Variants in CHL1 observed in about 807,000 individuals in gnomAD.
The protein encoded by CHL1 is neural cell adhesion molecule L1-like protein.
Under a neutral mutation model 141.9 loss-of-function variants are expected in CHL1, and 96 were observed. The ratio of observed to expected loss-of-function variants is 0.68; its 90% CI spans 0.57 to 0.80. CHL1 has a LOEUF of 0.80. Among genes scored for constraint, CHL1 ranks in the 30% least tolerant of loss-of-function variants. CHL1 has a pLI of 0.00. For missense variants in CHL1, 1,820 were observed against 1,457.2 expected, an observed-to-expected ratio of 1.25 and a Z score of -4.05; for synonymous variants, 613 against 502.2, an observed-to-expected ratio of 1.22 and a Z score of -2.95.
chr3:261,459 TA>T (rs1160006969), intron 2 of CHL1, among the ~76,000 whole-genome samples: 2 of 152,200 alleles, frequency 1.3e-5, no homozygotes, highest in Non-Finnish European at 2.9e-5. Flanking sequence ...GGCCAGTTGC[TA>T]CTTAAAAGTA....
intron 1 of CHL1, among the ~76,000 whole-genome samples, chr3:240,270 T>G (rs1328376487): frequency 1.3e-5 from 2 of 152,172 alleles, no homozygotes; most frequent in South Asian, 2.1e-4. Flanking sequence ...TTTTTTAAAT[T>G]TTTTTCATTA....
At chr3:275,247 G>C (rs1201296310) in intron 2 of CHL1, among the ~76,000 whole-genome samples, 3 of 152,214 alleles carry the variant, frequency 2.0e-5, no homozygotes, top group African/African-American at 7.2e-5. Flanking sequence ...TCTAGCATTT[G>C]CTAACATGTT....
At chr3:241,521 C>T (rs1486651654) in intron 1 of CHL1, among the ~76,000 whole-genome samples, 1 of 151,986 alleles carries the variant, frequency 6.6e-6, no homozygotes, top group African/African-American at 2.4e-5. Flanking sequence ...CCTCATAACC[C>T]AGTTTTTACT....
chr3:361,855 G>C (rs1341161968), intron 13 of CHL1, 45 bp downstream of exon 13: 2 of 1,265,802 alleles, frequency 1.6e-6, no homozygotes, highest in South Asian at 1.2e-5. Context: ...GTCAATTGTA[G>C]ATTTGACCTT....
At chr3:367,158 C>G (rs1705007582) in intron 15 of CHL1, among the ~76,000 whole-genome samples, 1 of 152,240 alleles carries the variant, frequency 6.6e-6, no homozygotes, top group Non-Finnish European at 1.5e-5. Flanking sequence ...TGCTGAATGT[C>G]TACTCTCTTT....
chr3:268,379 A>T (rs189140972), intron 2 of CHL1, among the ~76,000 whole-genome samples: 20 of 152,058 alleles, frequency 1.3e-4, no homozygotes, highest in African/African-American at 4.8e-4. Flanking sequence ...ACTAAAAAAT[A>T]CAAAAATTAC....
intron 2 of CHL1, chr3:247,917 A>G (rs528152482): frequency 1.3e-5 from 2 of 151,908 alleles, no homozygotes; most frequent in African/African-American, 4.8e-5. Flanking sequence ...TTTCTTTCCC[A>G]TGATATGAGG....
rs1451839131 is a variant in CHL1, at chr3:319,672, T to G, written c.-94-11T>G. ...TTGTGAACTAACATGTTATTCTGTTTGTGTTTTTAGTTTCCAGGTTAACTA... is the reference window on the plus strand; with the variant it reads ...TTGTGAACTAACATGTTATTCTGTTGGTGTTTTTAGTTTCCAGGTTAACTA... On this transcript the variant is annotated splice_polypyrimidine_tract_variant and intron_variant, in intron 2 of 27. Transcript: ENST00000256509. The G allele has an allele frequency of 4.5e-6, 3 of 660,172 alleles. No individual in the cohort carries two copies. Among genetic ancestry groups the G allele is most frequent in the Non-Finnish European group, 8.1e-6 (3 of 371,574 alleles). The allele number at this position is 660,172 out of a possible 1,614,324, so 40.9% of individuals were successfully genotyped here.
At chr3:202,073 C>G (rs1426017557) in intron 1 of CHL1, among the ~76,000 whole-genome samples, 1 of 152,192 alleles carries the variant, frequency 6.6e-6, no homozygotes, top group Non-Finnish European at 1.5e-5. Flanking sequence ...GGTTCAAAAT[C>G]TAAGTCTGTC....
At chr3:372,376 C>T (rs1705745725) in intron 15 of CHL1, among the ~76,000 whole-genome samples, 1 of 152,038 alleles carries the variant, frequency 6.6e-6, no homozygotes, top group African/African-American at 2.4e-5. Context: ...AATCTCATGT[C>T]CTTTCTTCCA....
chr3:252,056 A>G (rs1354836163), intron 2 of CHL1, among the ~76,000 whole-genome samples: 1 of 152,062 alleles, frequency 6.6e-6, no homozygotes, highest in Non-Finnish European at 1.5e-5. Context: ...ACCACCACAA[A>G]CTTAGAGACC....
intron 7 of CHL1, 30 bp from the exon 8 acceptor site, chr3:342,954 G>C (rs2125155281): frequency 1.3e-6 from 2 of 1,569,512 alleles, no homozygotes; most frequent in Non-Finnish European, 1.7e-6. Flanking sequence ...CATTATGTTT[G>C]TGTTTTTTCC....
intron 11 of CHL1, among the ~76,000 whole-genome samples, chr3:355,461 T>C (rs1703627954): frequency 6.6e-6 from 1 of 151,932 alleles, no homozygotes; most frequent in African/African-American, 2.4e-5. Flanking sequence ...CTCCAAGGAG[T>C]CCCCAAATCT....
At chr3:314,666 G>A (rs1384968365) in intron 2 of CHL1, among the ~76,000 whole-genome samples, 2 of 151,780 alleles carry the variant, frequency 1.3e-5, no homozygotes, top group East Asian at 3.9e-4. Context: ...CAGGATGATG[G>A]GGATGATGGG....
chr3:247,030 T>C (rs1377299209), intron 2 of CHL1: 1 of 151,992 alleles, frequency 6.6e-6, no homozygotes, highest in Non-Finnish European at 1.5e-5. Context: ...GGATGACTTA[T>C]TTTATGTCAA....
intron 2 of CHL1, among the ~76,000 whole-genome samples, chr3:253,199 A>C (rs959568860): frequency 1.3e-5 from 2 of 152,168 alleles, no homozygotes; most frequent in Non-Finnish European, 2.9e-5. Flanking sequence ...GTAAACTCTC[A>C]ATATTATGAT....
At position 354,488 on chromosome 3, in the gene CHL1, T is replaced by C. The variant is rs1323296758; in HGVS notation, c.1034-152T>C. 11 of 782,476 alleles carry C rather than the reference T, an allele frequency of 1.4e-5. No homozygotes were observed. The South Asian group carries it at 2.1e-4, about 15-fold the overall frequency. The allele number at this position is 782,476 out of a possible 1,614,324, so 48.5% of individuals were successfully genotyped here. A position where few individuals can be genotyped will look rare whatever the true frequency, so the allele number is the denominator to read the frequency against. ...TACAACACAAAAGCAGCTCCCACCT[T>C]GCTTTGCAGAGCAAGTTTACCAAAA... On this transcript the variant is annotated intron_variant, in intron 10 of 27. Transcript: ENST00000256509.
In CHL1 at chr3:389,410, G is replaced by A; in HGVS notation, c.2406G>A (p.Gln802=). The change falls in exon 20 of 28, where the codon CAG becomes CAA. Residue 802 remains glutamine (Q), a synonymous_variant. Coordinates refer to ENST00000256509, the MANE Select transcript of CHL1 (RefSeq NM_006614.4). ...AVYAPYDVKV[Q]AINQLGSGPD... ...ATGCCCCTTATGATGTCAAGGTCCA[G>A]GCTATCAATCAACTAGGATCTGGGC... 2 of 1,614,208 alleles carry A rather than the reference G, an allele frequency of 1.2e-6. No individual in the cohort carries two copies. The highest frequency in any genetic ancestry group is 1.3e-5 in the African/African-American group (1 of 75,054).
chr3:207,957 A>T (rs1283656868), intron 1 of CHL1, among the ~76,000 whole-genome samples: 2 of 152,212 alleles, frequency 1.3e-5, no homozygotes, highest in African/African-American at 4.8e-5. Flanking sequence ...GTTCAAATAA[A>T]TTGGATTTGA....
Sources: gnomAD v4.1 joint callset for allele counts (sites outside exome capture counted in the v4.1 genomes callset) on GRCh38, gnomAD v4.1.1 for gene constraint, MANE v1.5 for transcripts, NCBI Gene and HGNC (gene_info 2026-07-23, HGNC 2026-07-21) for gene names.